Variants in PALLD observed in about 807,000 individuals in gnomAD.
PALLD encodes palladin, cytoskeletal associated protein, also known as palladin.
A neutral mutation model predicts 123.5 loss-of-function variants in PALLD; 61 were observed. That is an observed-to-expected ratio of 0.49 (90% confidence interval 0.40 to 0.61). The LOEUF (loss-of-function observed/expected upper bound fraction) is 0.61, where lower values mean the gene tolerates loss of function less well. PALLD is among the 20% of genes least tolerant of loss of function. The pLI, the probability that PALLD is intolerant of heterozygous loss-of-function variation, is 0.00. For missense variants in PALLD, 1,273 were observed against 1,377.0 expected, an observed-to-expected ratio of 0.92 and a Z score of 1.20; for synonymous variants, 465 against 496.4, an observed-to-expected ratio of 0.94 and a Z score of 0.84.
chr4:168,720,625 A>C (rs1191188841), intron 10 of PALLD, among the ~76,000 whole-genome samples: 1 of 152,206 alleles, frequency 6.6e-6, no homozygotes, highest in Non-Finnish European at 1.5e-5. Flanking sequence ...AACTCTTCAT[A>C]AATACAATGT....
intron 2 of PALLD, among the ~76,000 whole-genome samples, chr4:168,567,643 G>A (rs1768541306): frequency 1.3e-5 from 2 of 149,692 alleles, no homozygotes; most frequent in Non-Finnish European, 3.0e-5. Flanking sequence ...ATACTACTCA[G>A]CCATAAAAAA....
chr4:168,886,075 TATA>T (rs1186103062), intron 10 of PALLD, among the ~76,000 whole-genome samples: 1 of 152,228 alleles, frequency 6.6e-6, no homozygotes, highest in Non-Finnish European at 1.5e-5. Context: ...AGTTCTTCAA[TATA>T]ATAATTTGAA....
chr4:168,751,961 G>A (rs17054514), intron 10 of PALLD, among the ~76,000 whole-genome samples: 3,699 of 152,294 alleles, frequency 0.024, 97 homozygotes, highest in South Asian at 0.14. Context: ...GAATTACACA[G>A]AACATGAAAG....
intron 8 of PALLD, among the ~76,000 whole-genome samples, chr4:168,702,729 C>T (rs557595130): frequency 6.6e-6 from 1 of 152,128 alleles, no homozygotes; most frequent in Non-Finnish European, 1.5e-5. Context: ...CAGTACTGAT[C>T]TTGTATGTCC....
chr4:168,915,406 C>T (rs1340707111), intron 16 of PALLD, among the ~76,000 whole-genome samples: 10 of 152,118 alleles, frequency 6.6e-5, no homozygotes, highest in African/African-American at 2.4e-4. Context: ...ATATGGATAA[C>T]TAATGCAAAA....
At chr4:168,808,342 T>C (rs1350521269) in intron 10 of PALLD, among the ~76,000 whole-genome samples, 1 of 151,726 alleles carries the variant, frequency 6.6e-6, no homozygotes, top group Non-Finnish European at 1.5e-5. Context: ...TAGCCAGGCA[T>C]GGTGACGTGT....
intron 10 of PALLD, among the ~76,000 whole-genome samples, chr4:168,792,123 G>C (rs1737608054): frequency 6.6e-6 from 1 of 151,994 alleles, no homozygotes; most frequent in African/African-American, 2.4e-5. Flanking sequence ...AAAATAAAAG[G>C]CTGCTGCCCT....
intron 2 of PALLD, among the ~76,000 whole-genome samples, chr4:168,618,581 A>G (rs889713041): frequency 6.6e-6 from 1 of 152,194 alleles, no homozygotes; most frequent in Admixed American, 6.5e-5. Flanking sequence ...TCATTGTACA[A>G]AAGGCAAGTG....
At chr4:168,818,478 T>C (rs183888664) in intron 10 of PALLD, among the ~76,000 whole-genome samples, 212 of 152,270 alleles carry the variant, frequency 1.4e-3, no homozygotes, top group Non-Finnish European at 2.1e-3. Flanking sequence ...TGCACACCTG[T>C]AGTCTTATCT....
intron 2 of PALLD, among the ~76,000 whole-genome samples, chr4:168,610,338 T>C (rs1445791240): frequency 7.2e-5 from 11 of 152,170 alleles, no homozygotes; most frequent in Non-Finnish European, 5.9e-5. Context: ...ATCGGTCCCC[T>C]TCCTAGAGGG....
chr4:168,682,947 AAACG>A, intron 4 of PALLD, 47 bp from the exon 5 acceptor site: 1 of 1,178,204 alleles, frequency 8.5e-7, no homozygotes, highest in Non-Finnish European at 1.2e-6. Flanking sequence ...AAAAACAAAA[AAACG>A]AAAACAAAAA....
At chr4:168,553,948 T>C (rs568196119) in intron 2 of PALLD, among the ~76,000 whole-genome samples, 2 of 152,204 alleles carry the variant, frequency 1.3e-5, no homozygotes, top group Non-Finnish European at 2.9e-5. Flanking sequence ...AAACTTCTGA[T>C]ATTTGTGACA....
At chr4:168,771,923 G>C (rs1734511419) in intron 10 of PALLD, among the ~76,000 whole-genome samples, 1 of 152,242 alleles carries the variant, frequency 6.6e-6, no homozygotes, top group African/African-American at 2.4e-5. Flanking sequence ...GTATTTAGGA[G>C]ATAAGAGGGG....
At chr4:168,787,469 C>T (rs1315040518) in intron 10 of PALLD, among the ~76,000 whole-genome samples, 1 of 152,194 alleles carries the variant, frequency 6.6e-6, no homozygotes. Context: ...CTATCTAAAC[C>T]TGTGCTGTCA....
chr4:168,895,424 T>C (rs1306729147), intron 12 of PALLD, among the ~76,000 whole-genome samples: 1 of 152,196 alleles, frequency 6.6e-6, no homozygotes, highest in African/African-American at 2.4e-5. Context: ...CTTTTGACTC[T>C]TCAAAAACTT....
intron 10 of PALLD, among the ~76,000 whole-genome samples, chr4:168,867,112 A>G (rs540191367): frequency 1.3e-5 from 2 of 152,204 alleles, no homozygotes; most frequent in Non-Finnish European, 2.9e-5. Flanking sequence ...ACAACTTACT[A>G]TATATCTTTG....
At chr4:168,618,074 A>G (rs1774399586) in intron 2 of PALLD, among the ~76,000 whole-genome samples, 1 of 152,182 alleles carries the variant, frequency 6.6e-6, no homozygotes, top group Non-Finnish European at 1.5e-5. Context: ...CAATGAGAAC[A>G]GGGAAGTGGA....
chr4:168,728,654 GA>G (rs1340869076), intron 10 of PALLD, among the ~76,000 whole-genome samples: 4 of 152,146 alleles, frequency 2.6e-5, no homozygotes, highest in African/African-American at 9.7e-5. Flanking sequence ...AGTGAAAAGA[GA>G]TAATTTGAAT....
At chr4:168,603,597 T>C (rs566291570) in intron 2 of PALLD, among the ~76,000 whole-genome samples, 58 of 152,308 alleles carry the variant, frequency 3.8e-4, no homozygotes, top group Admixed American at 2.6e-3. Context: ...TTGTTGGGGA[T>C]GTTTCTTGTT....
Sources: gnomAD v4.1 joint callset for allele counts (sites outside exome capture counted in the v4.1 genomes callset) on GRCh38, gnomAD v4.1.1 for gene constraint, MANE v1.5 for transcripts, NCBI Gene and HGNC (gene_info 2026-07-23, HGNC 2026-07-21) for gene names.